Variants in P2RX2 observed in about 807,000 individuals in gnomAD.
P2RX2 encodes the protein purinergic receptor P2X 2.
P2RX2 carries 50 observed loss-of-function variants against 54.8 expected under a neutral mutation model. That is an observed-to-expected ratio of 0.91 (90% CI 0.73 to 1.15). The LOEUF is 1.15. Ranked by LOEUF, P2RX2 falls within the 50% of genes most tolerant of loss-of-function variation. The probability of loss-of-function intolerance (pLI) is 0.00; values close to 1 mark genes in which losing one functional copy is unlikely to be tolerated. For synonymous variants in P2RX2, 289 were observed against 259.4 expected (o/e 1.11, Z -1.09); for missense variants, 658 against 633.2 (o/e 1.04, Z -0.42).
chr12:132,621,672 C>G lies in P2RX2; in HGVS notation c.1116C>G (p.Val372=), dbSNP rs1240930537. ...ILLTFMNKNK[V]YSHKKFDKVC... ...TAACATTCATGAACAAAAACAAGGT[C>G]TACAGCCATAAGAAATTTGACAAGG... is the stretch of plus-strand genomic sequence containing the variant. Residue 372 remains valine (V), a synonymous_variant, in exon 11 of 11, where the codon GTC becomes GTG. Transcript: ENST00000643471. 1.2e-6 allele frequency: 2 copies of G among 1,613,858 alleles called. No individual in the cohort carries two copies. The highest frequency in any genetic ancestry group is 1.7e-6 in the Non-Finnish European group (2 of 1,179,904).
chr12:132,620,701 G>A (rs2041627335), intron 7 of P2RX2, 118 bp downstream of exon 7: 30 of 1,180,144 alleles, frequency 2.5e-5, no homozygotes, highest in Non-Finnish European at 2.7e-5. Flanking sequence ...CTCAGGCAGA[G>A]GAAAAGAAAT....
chr12:132,620,120 G>T, intron 5 of P2RX2, 24 bp downstream of exon 5: 5 of 1,547,940 alleles, frequency 3.2e-6, no homozygotes, highest in Non-Finnish European at 4.4e-6. Flanking sequence ...CCGGCCTGGG[G>T]CCCAGCCTCC....
chr12:132,618,947 T>C lies in P2RX2; in HGVS notation c.131T>C (p.Leu44Pro). 2 of 1,307,796 alleles carry C rather than the reference T, an allele frequency of 1.5e-6. No homozygotes were observed. Among genetic ancestry groups the C allele is most frequent in the Non-Finnish European group, 2.0e-6 (2 of 1,018,768 alleles). The allele number at this position is 1,307,796 out of a possible 1,614,324, so 81.0% of individuals were successfully genotyped here. A position where few individuals can be genotyped will look rare whatever the true frequency, so the allele number is the denominator to read the frequency against. ...IVVRNRRLGVLYRAVQLLILL... is the reference protein window; with the variant it reads ...IVVRNRRLGVPYRAVQLLILL... ...GTGAGGAACCGGCGCCTGGGGGTCC[T>C]GTACCGCGCCGTGCAGCTGCTCATC... The change falls in exon 1 of 11, where the codon CTG (leucine) becomes CCG (proline). Residue 44 changes from leucine (L) to proline (P), a missense_variant. Coordinates refer to ENST00000643471, the MANE Select transcript of P2RX2 (RefSeq NM_170682.4).
At chr12:132,620,679 C>A in intron 7 of P2RX2, 96 bp downstream of exon 7, 1 of 1,347,684 alleles carries the variant, frequency 7.4e-7, no homozygotes, top group South Asian at 1.3e-5. Flanking sequence ...CCCTCCTGAC[C>A]AGCTGGCCCC....
In P2RX2 at chr12:132,619,002, CGGGG is replaced by C; in HGVS notation, c.173+14_173+17del. ...TCTACTTCGTGTGGTGCGCGGGGCG[CGGGG>C]TGCGGGGCGCGGGGTGCGGGGCGCA... On this transcript the variant is annotated intron_variant, in intron 1 of 10. Transcript: ENST00000643471. 1 of 91,848 alleles carries C rather than the reference CGGGG, an allele frequency of 1.1e-5. No individual in the cohort carries two copies. Among genetic ancestry groups the C allele is most frequent in the Non-Finnish European group, 1.3e-5 (1 of 77,784 alleles). 5.7% of individuals were successfully genotyped at this position (91,848 alleles called of 1,614,324 possible). A position where few individuals can be genotyped will look rare whatever the true frequency, so the allele number is the denominator to read the frequency against.
Position 132,621,319 on chromosome 12 carries a change from C to T in P2RX2, c.970C>T (p.Arg324Cys), listed in dbSNP as rs762568711. 1.1e-4 allele frequency: 170 copies of T among 1,613,894 alleles called. No individual in the cohort carries two copies. Among genetic ancestry groups the T allele is most frequent in the Non-Finnish European group, 1.3e-4 (154 of 1,179,972 alleles). The part of the protein sequence containing the change: ...TRTLIKAYGI[R>C]IDVIVHGQAG... ...CACGCTCATCAAGGCCTACGGGATC[C>T]GCATTGACGTCATTGTGCATGGACA... Residue 324 changes from arginine to cysteine, a missense_variant, in exon 9 of 11, where the codon CGC becomes TGC. Physicochemically the swap from Arg to Cys is radical, Grantham distance 180. Transcript: ENST00000643471.
Position 132,621,091 on chromosome 12 carries a change from G to C in P2RX2, c.865G>C (p.Asp289His), listed in dbSNP as rs746015866. 1 of 1,614,158 alleles carries C rather than the reference G, an allele frequency of 6.2e-7. No homozygotes were observed. Among genetic ancestry groups the C allele is most frequent in the South Asian group, 1.1e-5 (1 of 91,084 alleles). ...CCCCAAGTACTCCTTCCGGAGGCTTGACCCCAAGCACGTGCCTGCCTCGTC... is the reference window on the plus strand; with the variant it reads ...CCCCAAGTACTCCTTCCGGAGGCTTCACCCCAAGCACGTGCCTGCCTCGTC... ...CNPKYSFRRL[D>H]PKHVPASSGY... Residue 289 changes from aspartate (D) to histidine (H), a missense_variant, in exon 8 of 11, where the codon GAC (aspartate) becomes CAC (histidine). By Grantham distance (81) the Asp-to-His change is moderately conservative. Coordinates refer to ENST00000643471, the MANE Select transcript of P2RX2 (RefSeq NM_170682.4).
chr12:132,619,590 TGCCCCCC>T lies in P2RX2; in HGVS notation c.309+22_309+28del, dbSNP rs1566291743. The T allele has an allele frequency of 6.5e-7, 1 of 1,540,538 alleles. No individual in the cohort carries two copies. Among genetic ancestry groups the T allele is most frequent in the East Asian group, 2.5e-5 (1 of 40,670 alleles). ...GCCCCCCGAGGTGCGGGCCGCCCCCTGCCCCCCGCCCCGCCGTGCACCCTACCCTAGT... is the reference window on the plus strand; with the variant it reads ...GCCCCCCGAGGTGCGGGCCGCCCCCTGCCCCGCCGTGCACCCTACCCTAGT... On this transcript the variant is annotated intron_variant, in intron 2 of 10. Coordinates refer to ENST00000643471, the MANE Select transcript of P2RX2 (RefSeq NM_170682.4).
chr12:132,622,320 C>T lies in P2RX2; in HGVS notation c.*348C>T. The T allele has an allele frequency of 2.4e-6, 2 of 841,246 alleles. No homozygotes were observed. The allele number at this position is 841,246 out of a possible 1,614,324, so 52.1% of individuals were successfully genotyped here. A position where few individuals can be genotyped will look rare whatever the true frequency, so the allele number is the denominator to read the frequency against. On this transcript the variant is annotated 3_prime_UTR_variant, in exon 11 of 11. Coordinates refer to ENST00000643471, the MANE Select transcript of P2RX2 (RefSeq NM_170682.4). ...CCACCCCACCCCACAGGCGTTGTAA[C>T]CTTGAATCTGCCCAGACTCTTCCCT...
Position 132,620,896 on chromosome 12 carries a change from CT to C in P2RX2, c.775-104del. ...ACTGACCCGGGCTCTCGAGGGGCCT[CT>C]CGTGTGCCCTTGTGACCCCCTTCCC... is the stretch of plus-strand genomic sequence containing the variant. On this transcript the variant is annotated intron_variant, in intron 7 of 10. Coordinates refer to ENST00000643471, the MANE Select transcript of P2RX2 (RefSeq NM_170682.4). The C allele has an allele frequency of 8.0e-5, 22 of 276,524 alleles. 4 individuals are homozygous for C. The highest frequency in any genetic ancestry group is 6.7e-4 in the East Asian group (2 of 2,964). The allele number at this position is 276,524 out of a possible 1,614,324, so 17.1% of individuals were successfully genotyped here. A position where few individuals can be genotyped will look rare whatever the true frequency, so the allele number is the denominator to read the frequency against.
Position 132,619,579 on chromosome 12 carries a change from G to T in P2RX2, c.309+5G>T, listed in dbSNP as rs763193729. The T allele has an allele frequency of 1.7e-5, 28 of 1,608,618 alleles. No homozygotes were observed. Among genetic ancestry groups the T allele is most frequent in the South Asian group, 1.1e-5 (1 of 90,944 alleles). ...GAGTACGTGAAGCCCCCCGAGGTGC[G>T]GGCCGCCCCCTGCCCCCCGCCCCGC... On this transcript the variant is annotated splice_donor_5th_base_variant and intron_variant, in intron 2 of 10. Coordinates refer to ENST00000643471, the MANE Select transcript of P2RX2 (RefSeq NM_170682.4).
chr12:132,622,236 C>G lies in P2RX2; in HGVS notation c.*264C>G. On this transcript the variant is annotated 3_prime_UTR_variant, in exon 11 of 11. Coordinates refer to ENST00000643471, the MANE Select transcript of P2RX2 (RefSeq NM_170682.4). ...ATCACCTCTCACAGCCACCTGGAAC[C>G]CAAGCCAGCTGAGCTCTGAGGGGCT... 7.3e-7 allele frequency: 1 copy of G among 1,378,678 alleles called. No homozygotes were observed. Among genetic ancestry groups the G allele is most frequent in the Non-Finnish European group, 9.4e-7 (1 of 1,069,424 alleles). The allele number at this position is 1,378,678 out of a possible 1,614,324, so 85.4% of individuals were successfully genotyped here. A position where few individuals can be genotyped will look rare whatever the true frequency, so the allele number is the denominator to read the frequency against.
Position 132,621,685 on chromosome 12 carries a change from A to G in P2RX2, c.1129A>G (p.Lys377Glu). ...CAAAAACAAGGTCTACAGCCATAAGAAATTTGACAAGGTGTGTACGCCGAG... is the reference window on the plus strand; with the variant it reads ...CAAAAACAAGGTCTACAGCCATAAGGAATTTGACAAGGTGTGTACGCCGAG... ...MNKNKVYSHK[K>E]FDKVCTPSHP... The change falls in exon 11 of 11, where the codon AAA (lysine) becomes GAA (glutamate). Residue 377 changes from lysine (K) to glutamate (E), a missense_variant. Transcript: ENST00000643471. 1.2e-6 allele frequency: 2 copies of G among 1,613,782 alleles called. No individual in the cohort carries two copies. The highest frequency in any genetic ancestry group is 8.5e-7 in the Non-Finnish European group (1 of 1,179,906).
rs199712315 is a variant in P2RX2, at chr12:132,621,775, G to A, written c.1219G>A (p.Gly407Ser). 1.3e-4 allele frequency: 201 copies of A among 1,600,464 alleles called. No individual in the cohort carries two copies. The highest frequency in any genetic ancestry group is 1.5e-4 in the Non-Finnish European group (172 of 1,172,012). The part of the protein sequence containing the change: ...RVLGQAPPEP[G>S]HRSEDQHPSP... ...ATTGGGCCAGGCCCCTCCCGAACCC[G>A]GCCACCGCTCCGAGGACCAGCACCC... Residue 407 changes from glycine to serine, a missense_variant, in exon 11 of 11, where the codon GGC becomes AGC. By Grantham distance (56) the Gly-to-Ser change is moderately conservative. Coordinates refer to ENST00000643471, the MANE Select transcript of P2RX2 (RefSeq NM_170682.4).
chr12:132,621,534 C>T lies in P2RX2; in HGVS notation c.1056C>T (p.Val352=), dbSNP rs751840679. 27 of 1,572,996 alleles carry T rather than the reference C, an allele frequency of 1.7e-5. No individual in the cohort carries two copies. The highest frequency in any genetic ancestry group is 1.1e-4 in the Admixed American group (6 of 55,696). ...ATCTGGCCACAGCTCTGACTTCCGT[C>T]GGGGTGGTAAGGAACCCTCTCTGGG... ...IINLATALTS[V]GVGSFLCDWI... is the part of the protein sequence containing the mutation. Residue 352 remains valine (V), a synonymous_variant, in exon 10 of 11, where the codon GTC becomes GTT. Coordinates refer to ENST00000643471, the MANE Select transcript of P2RX2 (RefSeq NM_170682.4).
Position 132,621,745 on chromosome 12 carries a change from C to T in P2RX2, c.1189C>T (p.Arg397Cys), listed in dbSNP as rs556494905. The change falls in exon 11 of 11, where the codon CGT (arginine) becomes TGT (cysteine). Residue 397 changes from arginine to cysteine, a missense_variant. Transcript: ENST00000643471. ...AGGTAGCTGGCCTGTGACCCTTGCC[C>T]GTGTATTGGGCCAGGCCCCTCCCGA... The part of the protein sequence containing the change: ...PSGSWPVTLA[R>C]VLGQAPPEPG... 3.5e-5 allele frequency: 57 copies of T among 1,608,334 alleles called. No individual in the cohort carries two copies. The East Asian group carries it at 4.0e-4, about 11-fold the overall frequency.
In P2RX2 at chr12:132,619,069, G is replaced by A. The variant is rs183650232; in HGVS notation, c.173+80G>A. The A allele has an allele frequency of 4.2e-4, 334 of 802,496 alleles. 4 individuals carry two copies. In the African/African-American group the frequency reaches 5.7e-3, roughly 14 times the overall value. The allele number at this position is 802,496 out of a possible 1,614,324, so 49.7% of individuals were successfully genotyped here. A position where few individuals can be genotyped will look rare whatever the true frequency, so the allele number is the denominator to read the frequency against. ...GGATTGGGGGCGCTGGGCTGGAGGC[G>A]CGGGGCTGGGGCTGGGGCTGGGACC... is the stretch of plus-strand genomic sequence containing the variant. On this transcript the variant is annotated intron_variant, in intron 1 of 10. Transcript: ENST00000643471.
chr12:132,620,694 AG>A, intron 7 of P2RX2, 111 bp downstream of exon 7: 1 of 1,199,094 alleles, frequency 8.3e-7, no homozygotes, highest in Non-Finnish European at 1.1e-6. Flanking sequence ...GGCCCCGCTC[AG>A]GCAGAGGAAA....
chr12:132,621,413 C>G, intron 9 of P2RX2, 62 bp from the exon 10 acceptor site: 1 of 1,603,374 alleles, frequency 6.2e-7, no homozygotes, highest in East Asian at 2.2e-5. Context: ...CACGCCCCAC[C>G]CCTCCCTTAA....
Sources: allele counts gnomAD v4.1 joint callset, GRCh38; gene constraint gnomAD v4.1.1; transcripts MANE v1.5; gene names NCBI Gene and HGNC (gene_info 2026-07-23, HGNC 2026-07-21).